SCAPER: variants seen among roughly 807,000 people sequenced by gnomAD.
The protein encoded by SCAPER is S-phase cyclin A associated protein in the ER.
Under a neutral mutation model 182.2 loss-of-function variants are expected in SCAPER, and 98 were observed. The ratio of observed to expected loss-of-function variants is 0.54; its 90% CI spans 0.46 to 0.64. The LOEUF (loss-of-function observed/expected upper bound fraction) is 0.64, where lower values mean the gene tolerates loss of function less well. Among genes scored for constraint, SCAPER ranks in the 30% least tolerant of loss-of-function variants. The pLI, the probability that SCAPER is intolerant of heterozygous loss-of-function variation, is 0.00. For missense variants in SCAPER, 1,432 were observed against 1,690.0 expected, an observed-to-expected ratio of 0.85 and a Z score of 2.68; for synonymous variants, 605 against 564.6, an observed-to-expected ratio of 1.07 and a Z score of -1.01.
intron 20 of SCAPER, among the ~76,000 whole-genome samples, chr15:76,694,734 G>T (rs921403363): frequency 6.6e-6 from 1 of 151,930 alleles, no homozygotes; most frequent in South Asian, 2.1e-4. Flanking sequence ...GGAAAATCTA[G>T]TCAGTTTATA....
chr15:76,886,513 T>G (rs2151967407), intron 1 of SCAPER, among the ~76,000 whole-genome samples: 1 of 152,196 alleles, frequency 6.6e-6, no homozygotes, highest in East Asian at 1.9e-4. Context: ...AAAAAACATA[T>G]GCTGGCAAGG....
At chr15:76,802,743 C>T (rs2065886574) in intron 6 of SCAPER, among the ~76,000 whole-genome samples, 1 of 152,080 alleles carries the variant, frequency 6.6e-6, no homozygotes, top group Non-Finnish European at 1.5e-5. Flanking sequence ...GTTTCACCCA[C>T]TAAGATTGAA....
chr15:76,610,326 C>T (rs1268344202), intron 22 of SCAPER, among the ~76,000 whole-genome samples: 1 of 152,176 alleles, frequency 6.6e-6, no homozygotes, highest in East Asian at 1.9e-4. Flanking sequence ...CACAAGTCCA[C>T]AATCAACCCC....
intron 26 of SCAPER, among the ~76,000 whole-genome samples, chr15:76,416,317 G>GAAAA (rs61396507): frequency 6.9e-6 from 1 of 144,260 alleles, no homozygotes; most frequent in Admixed American, 6.9e-5. Context: ...TCTACTAAAA[G>GAAAA]AAAAAAAAAA....
intron 5 of SCAPER, among the ~76,000 whole-genome samples, chr15:76,810,549 AACC>A (rs1267537889): frequency 8.9e-6 from 1 of 112,022 alleles, no homozygotes; most frequent in Admixed American, 8.7e-5. Context: ...AAAAAAAAAA[AACC>A]ACACACACAC....
At chr15:76,810,220 A>T (rs1463229868) in intron 5 of SCAPER, among the ~76,000 whole-genome samples, 1 of 152,124 alleles carries the variant, frequency 6.6e-6, no homozygotes, top group Non-Finnish European at 1.5e-5. Flanking sequence ...TGACTATAAC[A>T]GTGGTGGGCA....
chr15:76,674,471 C>A (rs1381427409), intron 20 of SCAPER, among the ~76,000 whole-genome samples: 1 of 152,154 alleles, frequency 6.6e-6, no homozygotes, highest in African/African-American at 2.4e-5. Flanking sequence ...AATTTCCAGT[C>A]CTTCCTGTAG....
chr15:76,737,817 C>T (rs1230987242), intron 15 of SCAPER, among the ~76,000 whole-genome samples: 1 of 152,214 alleles, frequency 6.6e-6, no homozygotes, highest in African/African-American at 2.4e-5. Context: ...GAGACGGCTT[C>T]CTTCCTCAAA....
chr15:76,799,022 T>C (rs533052959), intron 7 of SCAPER, among the ~76,000 whole-genome samples: 73 of 152,330 alleles, frequency 4.8e-4, no homozygotes, highest in African/African-American at 1.8e-3. Context: ...TTTTTGTTTG[T>C]AGCTCTTTTC....
intron 10 of SCAPER, among the ~76,000 whole-genome samples, chr15:76,769,037 C>T (rs942432262): frequency 2.6e-5 from 4 of 152,090 alleles, no homozygotes; most frequent in Admixed American, 2.6e-4. Context: ...ATAAAACTAT[C>T]ATCAGAGTGA....
chr15:76,749,763 G>T lies in SCAPER; in HGVS notation c.1866+4045C>A, dbSNP rs527264941. ...GAGATATATGTCATGTTCATGGAAA[G>T]AAATGCTCAATATCATTAAGATGTC... On this transcript the variant is annotated intron_variant, in intron 15 of 31. Transcript: ENST00000563290. Among the ~76,000 whole-genome samples the T allele has an allele frequency of 9.2e-5, 14 of 152,126 alleles. No individual in the cohort carries two copies. The South Asian group carries it at 2.5e-3, about 27-fold the overall frequency.
intron 23 of SCAPER, among the ~76,000 whole-genome samples, chr15:76,555,521 GA>G (rs1283390824): frequency 6.6e-6 from 1 of 151,756 alleles, no homozygotes; most frequent in Admixed American, 6.6e-5. Context: ...TAGCCTCAAA[GA>G]AAAAAAGATG....
chr15:76,578,367 T>C (rs529355406), intron 22 of SCAPER, among the ~76,000 whole-genome samples: 1 of 152,278 alleles, frequency 6.6e-6, no homozygotes, highest in Admixed American at 6.5e-5. Flanking sequence ...ACAAAGGTGG[T>C]AGCCAGGCAG....
chr15:76,663,692 T>C (rs1177944899), intron 21 of SCAPER, among the ~76,000 whole-genome samples: 1 of 152,014 alleles, frequency 6.6e-6, no homozygotes, highest in East Asian at 1.9e-4. Flanking sequence ...AGCGGTTGCC[T>C]CAGGCCAGGA....
rs1596269238 is a variant in SCAPER, at chr15:76,354,079, T to C, written c.3917A>G (p.Gln1306Arg). The change falls in exon 30 of 32, where the codon CAG (glutamine) becomes CGG (arginine). Residue 1306 changes from glutamine to arginine, a missense_variant. Around this residue, in one of 5 missense-constraint regions of SCAPER, gnomAD observed 718 missense variants for 799.7 expected, o/e 0.90. Coordinates refer to ENST00000563290, the MANE Select transcript of SCAPER (RefSeq NM_020843.4). This position sits in a 1 kb window ranked among gnomAD's most constrained non-coding sequence, Gnocchi z 4.4. ...GATCAGCCGTGGGTCACTGAAATAC[T>C]GGAAGGGCAACTGGCAGAGCTTCTG... ...VLQKLCQLPF[Q>R]YFSDPRLIKV... 3.1e-6 allele frequency: 5 copies of C among 1,611,178 alleles called. No individual in the cohort carries two copies. The highest frequency in any genetic ancestry group is 1.3e-5 in the African/African-American group (1 of 74,806).
At chr15:76,852,009 G>A (rs757035986) in intron 4 of SCAPER, among the ~76,000 whole-genome samples, 2 of 151,666 alleles carry the variant, frequency 1.3e-5, no homozygotes, top group Non-Finnish European at 2.9e-5. Flanking sequence ...CCAAGCAAAT[G>A]GAAATCAGAA....
intron 21 of SCAPER, among the ~76,000 whole-genome samples, chr15:76,646,165 A>C (rs1597899682): frequency 6.6e-6 from 1 of 152,254 alleles, no homozygotes; most frequent in South Asian, 2.1e-4. Flanking sequence ...CAAGTCCCTT[A>C]TATAAAAAGA....
intron 17 of SCAPER, among the ~76,000 whole-genome samples, chr15:76,711,227 T>TA (rs1373994137): frequency 6.6e-6 from 1 of 152,160 alleles, no homozygotes; most frequent in Non-Finnish European, 1.5e-5. Flanking sequence ...AAAACTCACA[T>TA]TCTTCAAAGA....
At chr15:76,786,422 G>A (rs903466411) in intron 8 of SCAPER, among the ~76,000 whole-genome samples, 5 of 150,642 alleles carry the variant, frequency 3.3e-5, no homozygotes, top group Non-Finnish European at 1.5e-5. Context: ...TACAGGAAAA[G>A]CATTTCACAA....
Sources: gnomAD v4.1 joint callset for allele counts (sites outside exome capture counted in the v4.1 genomes callset) on GRCh38, gnomAD v4.1.1 for gene constraint, gnomAD v4.1.1 regional missense constraint, Gnocchi (gnomAD v3.1) non-coding constraint, MANE v1.5 for transcripts, NCBI Gene and HGNC (gene_info 2026-07-23, HGNC 2026-07-21) for gene names.